GPC6: variants seen among roughly 807,000 people sequenced by gnomAD.
GPC6 encodes glypican 6, also known as glypican-6.
Under a neutral mutation model 55.2 loss-of-function variants are expected in GPC6, and 14 were observed. The ratio of observed to expected loss-of-function variants is 0.25; its 90% CI spans 0.17 to 0.40. The LOEUF (loss-of-function observed/expected upper bound fraction) is 0.40, where lower values mean the gene tolerates loss of function less well. Among genes scored for constraint, GPC6 ranks in the 10% least tolerant of loss-of-function variants. The pLI, the probability that GPC6 is intolerant of heterozygous loss-of-function variation, is 1.00. For synonymous variants in GPC6, 278 were observed against 259.6 expected (o/e 1.07, Z -0.68); for missense variants, 641 against 708.5 (o/e 0.90, Z 1.08).
chr13:93,478,770 T>C (rs893396797), intron 1 of GPC6, among the ~76,000 whole-genome samples: 12 of 152,210 alleles, frequency 7.9e-5, no homozygotes, highest in African/African-American at 2.9e-4. Context: ...GAAGTGTACC[T>C]GAACTTTGGA....
chr13:94,140,911 AT>A (rs1676868419), intron 4 of GPC6, among the ~76,000 whole-genome samples: 1 of 151,902 alleles, frequency 6.6e-6, no homozygotes, highest in African/African-American at 2.4e-5. Flanking sequence ...TTCAAATGAT[AT>A]AATATAAATA....
At chr13:93,301,161 C>A (rs1878667837) in intron 1 of GPC6, among the ~76,000 whole-genome samples, 1 of 152,184 alleles carries the variant, frequency 6.6e-6, no homozygotes. Flanking sequence ...GTTTGAGAAC[C>A]TAATAACCAA....
chr13:94,271,835 A>C (rs1484768351), intron 4 of GPC6, among the ~76,000 whole-genome samples: 1 of 151,862 alleles, frequency 6.6e-6, no homozygotes, highest in Non-Finnish European at 1.5e-5. Flanking sequence ...TGGCATTTTG[A>C]AGATAGCTTT....
At chr13:93,282,774 C>A (rs1323037705) in intron 1 of GPC6, among the ~76,000 whole-genome samples, 1 of 37,986 alleles carries the variant, frequency 2.6e-5, no homozygotes, top group African/African-American at 1.1e-4. Flanking sequence ...TAATTCAAAT[C>A]TCTAAACAAT....
At chr13:94,020,399 TTTTCGACTGAAA>T (rs1317015447) in intron 3 of GPC6, among the ~76,000 whole-genome samples, 4 of 152,212 alleles carry the variant, frequency 2.6e-5, no homozygotes, top group Non-Finnish European at 4.4e-5. Context: ...TAGTAATGCT[TTTTCGACTGAAA>T]TTTATCAGTC....
chr13:93,333,646 C>T (rs546970005), intron 1 of GPC6, among the ~76,000 whole-genome samples: 1 of 151,934 alleles, frequency 6.6e-6, no homozygotes, highest in Admixed American at 6.6e-5. Flanking sequence ...ATCCTCCCAC[C>T]TCAGCCTCCC....
At chr13:93,965,024 C>A (rs1879962622) in intron 3 of GPC6, among the ~76,000 whole-genome samples, 1 of 147,214 alleles carries the variant, frequency 6.8e-6, no homozygotes, top group South Asian at 2.2e-4. Flanking sequence ...GTTTTCATTT[C>A]ATGTTTAATA....
intron 1 of GPC6, among the ~76,000 whole-genome samples, chr13:93,327,781 C>T (rs565132987): frequency 1.5e-4 from 22 of 151,356 alleles, no homozygotes; most frequent in East Asian, 5.8e-4. Flanking sequence ...ATGTATTAAA[C>T]GGAATAAGTG....
intron 1 of GPC6, among the ~76,000 whole-genome samples, chr13:93,308,177 C>T (rs949727473): frequency 3.3e-5 from 5 of 151,984 alleles, no homozygotes; most frequent in Non-Finnish European, 7.4e-5. Context: ...CCCAGCTACT[C>T]GGGAGGCTGA....
rs1308480576 is a variant in GPC6, at chr13:94,077,486, C to T, written c.877+49592C>T. Among the ~76,000 whole-genome samples, 3 of 151,630 alleles carry T rather than the reference C, an allele frequency of 2.0e-5. No homozygotes were observed. In the East Asian group the frequency reaches 5.8e-4, roughly 29 times the overall value. ...TATTTTTTTTTCTTGTTTAATTGCA[C>T]TGGCTAAGATTTCTAGTACTGCGTT... On this transcript the variant is annotated intron_variant, in intron 4 of 8. Transcript: ENST00000377047.
chr13:93,534,285 TC>T (rs1881972123), intron 1 of GPC6, among the ~76,000 whole-genome samples: 1 of 152,060 alleles, frequency 6.6e-6, no homozygotes, highest in Non-Finnish European at 1.5e-5. Context: ...TCTATCTACT[TC>T]CTAGGAAGGA....
chr13:93,865,680 A>C (rs1888943712), intron 3 of GPC6, among the ~76,000 whole-genome samples: 1 of 151,686 alleles, frequency 6.6e-6, no homozygotes, highest in South Asian at 2.1e-4. Flanking sequence ...GATAATAAAG[A>C]TATTGATTCT....
chr13:93,776,367 G>A (rs1019853202), intron 2 of GPC6, among the ~76,000 whole-genome samples: 2 of 152,114 alleles, frequency 1.3e-5, no homozygotes, highest in African/African-American at 4.8e-5. Context: ...TGAAACTGCT[G>A]AGACTGAAAG....
intron 6 of GPC6, among the ~76,000 whole-genome samples, chr13:94,361,017 T>C (rs746250198): frequency 1.3e-5 from 2 of 152,056 alleles, no homozygotes; most frequent in Non-Finnish European, 2.9e-5. Context: ...TTAGTGAGGA[T>C]TTGATGACAT....
At chr13:93,231,321 ATATATATACG>A (rs1875998239) in intron 1 of GPC6, among the ~76,000 whole-genome samples, 1 of 59,404 alleles carries the variant, frequency 1.7e-5, no homozygotes. Context: ...TTTCATATAT[ATATATATACG>A]TATATATATA....
At chr13:94,242,249 C>T (rs1373506642) in intron 4 of GPC6, among the ~76,000 whole-genome samples, 2 of 152,042 alleles carry the variant, frequency 1.3e-5, no homozygotes, top group Admixed American at 6.6e-5. Flanking sequence ...GACATGAAGT[C>T]ATCCTTTTTT....
chr13:94,003,973 C>T (rs181658011), intron 3 of GPC6, among the ~76,000 whole-genome samples: 1 of 152,288 alleles, frequency 6.6e-6, no homozygotes, highest in East Asian at 1.9e-4. Context: ...GCTAATAGTA[C>T]ATAATCAAAG....
chr13:93,329,378 T>C (rs190126963), intron 1 of GPC6, among the ~76,000 whole-genome samples: 17 of 152,228 alleles, frequency 1.1e-4, no homozygotes, highest in Non-Finnish European at 2.1e-4. Context: ...AAAATGTTCA[T>C]AACTATGTAA....
chr13:93,458,899 G>C (rs1471203788), intron 1 of GPC6, among the ~76,000 whole-genome samples: 1 of 152,134 alleles, frequency 6.6e-6, no homozygotes, highest in Non-Finnish European at 1.5e-5. Flanking sequence ...TGTATTTGTA[G>C]GGTAATTTGA....
Sources: gnomAD v4.1 joint callset for allele counts (sites outside exome capture counted in the v4.1 genomes callset) on GRCh38, gnomAD v4.1.1 for gene constraint, MANE v1.5 for transcripts, NCBI Gene and HGNC (gene_info 2026-07-23, HGNC 2026-07-21) for gene names.